ADAMTS12: variants seen among roughly 807,000 people sequenced by gnomAD.
The protein encoded by ADAMTS12 is ADAM metallopeptidase with thrombospondin type 1 motif 12, also known as A disintegrin and metalloproteinase with thrombospondin motifs 12.
In ADAMTS12, 118 loss-of-function variants were observed where a neutral mutation model predicts 167.8. The observed-to-expected ratio is 0.70, with a 90% confidence interval of 0.61 to 0.82. The LOEUF (loss-of-function observed/expected upper bound fraction) is 0.82. ADAMTS12 is among the 40% of genes least tolerant of loss of function. The pLI is 0.00. For synonymous variants in ADAMTS12, 704 were observed against 716.9 expected, an observed-to-expected ratio of 0.98 and a Z score of 0.29; for missense variants, 1,916 against 1,998.8, an observed-to-expected ratio of 0.96 and a Z score of 0.79.
chr5:33,878,772 G>A (rs1446427859), intron 2 of ADAMTS12, among the ~76,000 whole-genome samples: 1 of 152,162 alleles, frequency 6.6e-6, no homozygotes, highest in African/African-American at 2.4e-5. Context: ...AAATGCTGAT[G>A]CTGGGACTCT....
chr5:33,745,060 C>T (rs989020184), intron 3 of ADAMTS12, among the ~76,000 whole-genome samples: 1 of 152,176 alleles, frequency 6.6e-6, no homozygotes, highest in African/African-American at 2.4e-5. Context: ...TCAGGTGATC[C>T]TCCCACATAG....
At chr5:33,854,018 C>A (rs970124345) in intron 2 of ADAMTS12, among the ~76,000 whole-genome samples, 1 of 152,194 alleles carries the variant, frequency 6.6e-6, no homozygotes, top group Non-Finnish European at 1.5e-5. Flanking sequence ...TCCTCCAACT[C>A]CCAAATTCGG....
chr5:33,770,892 T>C (rs1176744274), intron 2 of ADAMTS12, among the ~76,000 whole-genome samples: 1 of 152,080 alleles, frequency 6.6e-6, no homozygotes, highest in Non-Finnish European at 1.5e-5. Context: ...TTAAATCTTT[T>C]TGTAGAGATT....
At chr5:33,802,072 A>C (rs761230270) in intron 2 of ADAMTS12, among the ~76,000 whole-genome samples, 1 of 152,206 alleles carries the variant, frequency 6.6e-6, no homozygotes, top group Non-Finnish European at 1.5e-5. Flanking sequence ...TCTACCATGT[A>C]AGGTTACAGT....
chr5:33,774,228 C>T (rs1169700906), intron 2 of ADAMTS12, among the ~76,000 whole-genome samples: 2 of 152,058 alleles, frequency 1.3e-5, no homozygotes, highest in African/African-American at 2.4e-5. Context: ...AGAATACAGC[C>T]GTAAACGAAC....
intron 2 of ADAMTS12, among the ~76,000 whole-genome samples, chr5:33,871,995 C>CT (rs2111738256): frequency 6.6e-6 from 1 of 152,206 alleles, no homozygotes; most frequent in South Asian, 2.1e-4. Flanking sequence ...CACAATCTTT[C>CT]AAAACACAGA....
intron 17 of ADAMTS12, among the ~76,000 whole-genome samples, chr5:33,592,099 C>T (rs1460475055): frequency 6.6e-6 from 1 of 151,942 alleles, no homozygotes; most frequent in Non-Finnish European, 1.5e-5. Context: ...CGTGGTGGCA[C>T]ATGTTTGTAA....
chr5:33,796,991 G>C (rs1022243702), intron 2 of ADAMTS12, among the ~76,000 whole-genome samples: 1 of 152,178 alleles, frequency 6.6e-6, no homozygotes, highest in Non-Finnish European at 1.5e-5. Context: ...TCCAACTACT[G>C]GATCAAAGCA....
intron 2 of ADAMTS12, among the ~76,000 whole-genome samples, chr5:33,763,017 G>A (rs1745409276): frequency 6.6e-6 from 1 of 152,162 alleles, no homozygotes; most frequent in Admixed American, 6.5e-5. Flanking sequence ...ATTGTGAAAA[G>A]CAAGTCAAGG....
At chr5:33,790,093 A>T (rs1240504991) in intron 2 of ADAMTS12, among the ~76,000 whole-genome samples, 2 of 151,448 alleles carry the variant, frequency 1.3e-5, no homozygotes, top group African/African-American at 4.9e-5. Flanking sequence ...AGTGCTCTTT[A>T]AAAAAAAAGT....
At chr5:33,706,797 C>A (rs1743216992) in intron 3 of ADAMTS12, among the ~76,000 whole-genome samples, 1 of 152,130 alleles carries the variant, frequency 6.6e-6, no homozygotes, top group Admixed American at 6.5e-5. Flanking sequence ...ATTGATGGAA[C>A]ATATCTCAAA....
intron 2 of ADAMTS12, among the ~76,000 whole-genome samples, chr5:33,805,944 T>G (rs1747212045): frequency 6.6e-6 from 1 of 151,814 alleles, no homozygotes; most frequent in Admixed American, 6.6e-5. Context: ...AAAAAGACTT[T>G]GTAAAGAACA....
chr5:33,889,141 T>C (rs1415043302), intron 1 of ADAMTS12, among the ~76,000 whole-genome samples: 1 of 152,080 alleles, frequency 6.6e-6, no homozygotes, highest in African/African-American at 2.4e-5. Context: ...GACCTCCCAT[T>C]CCTTATCCAT....
chr5:33,589,177 TGA>T (rs1747517958), intron 17 of ADAMTS12, among the ~76,000 whole-genome samples: 1 of 152,230 alleles, frequency 6.6e-6, no homozygotes, highest in African/African-American at 2.4e-5. Context: ...TTTCTTTATA[TGA>T]GTGTTGTGTT....
chr5:33,625,155 A>G (rs147557038), intron 13 of ADAMTS12, among the ~76,000 whole-genome samples: 1 of 152,222 alleles, frequency 6.6e-6, no homozygotes, highest in African/African-American at 2.4e-5. Context: ...GAGTCTTTAA[A>G]TACACCCTCT....
chr5:33,653,590 C>T (rs1027915171), intron 7 of ADAMTS12, among the ~76,000 whole-genome samples: 7 of 151,992 alleles, frequency 4.6e-5, no homozygotes, highest in Admixed American at 2.6e-4. Flanking sequence ...TCTTGGTTGT[C>T]GACAGGTCTT....
intron 2 of ADAMTS12, among the ~76,000 whole-genome samples, chr5:33,766,565 T>C (rs1179600525): frequency 3.3e-5 from 5 of 152,118 alleles, no homozygotes; most frequent in Admixed American, 2.6e-4. Context: ...TAATTTAATA[T>C]CATAAGATGT....
chr5:33,536,386 A>C (rs1038444904), intron 22 of ADAMTS12, among the ~76,000 whole-genome samples: 3 of 152,170 alleles, frequency 2.0e-5, no homozygotes, highest in African/African-American at 7.2e-5. Flanking sequence ...ATTTTTGGCA[A>C]GGGGGAGCTA....
intron 3 of ADAMTS12, among the ~76,000 whole-genome samples, chr5:33,727,776 A>ATCG (rs1244509127): frequency 6.6e-6 from 1 of 152,114 alleles, no homozygotes; most frequent in Non-Finnish European, 1.5e-5. Context: ...AGACCATCCT[A>ATCG]TCGTCTCCTT....
Sources: allele counts gnomAD v4.1 joint callset (sites outside exome capture counted in the v4.1 genomes callset), GRCh38; gene constraint gnomAD v4.1.1; transcripts MANE v1.5; gene names NCBI Gene and HGNC (gene_info 2026-07-23, HGNC 2026-07-21).